Variants in LMAN1 observed in about 807,000 individuals in gnomAD.
The protein encoded by LMAN1 is protein ERGIC-53.
LMAN1 carries 32 observed loss-of-function variants against 67.8 expected under a neutral mutation model. That is an observed-to-expected ratio of 0.47 (90% CI 0.36 to 0.63). The LOEUF (loss-of-function observed/expected upper bound fraction) is 0.63, where lower values mean the gene tolerates loss of function less well. LMAN1 is among the 30% of genes least tolerant of loss of function. LMAN1 has a pLI of 0.00. For missense variants in LMAN1, 632 were observed against 628.2 expected (o/e 1.01, Z -0.06); for synonymous variants, 235 against 219.3 (o/e 1.07, Z -0.63).
chr18:59,353,425 AAGACTACACG>A, intron 4 of LMAN1, 124 bp from the exon 5 acceptor site: 3 of 744,288 alleles, frequency 4.0e-6, no homozygotes, highest in East Asian at 2.7e-5. Flanking sequence ...ATTTACTCAA[AAGACTACACG>A]AGACTACATG....
intron 1 of LMAN1, among the ~76,000 whole-genome samples, chr18:59,357,539 A>G (rs2144235444): frequency 6.6e-6 from 1 of 152,340 alleles, no homozygotes; most frequent in Non-Finnish European, 1.5e-5. Context: ...TCAAGAATAG[A>G]GATACCTTGA....
In LMAN1 at chr18:59,359,210, C is replaced by G; in HGVS notation, c.35G>C (p.Arg12Thr). The G allele has an allele frequency of 6.2e-7, 1 of 1,613,974 alleles. No homozygotes were observed. Among genetic ancestry groups the G allele is most frequent in the Non-Finnish European group, 8.5e-7 (1 of 1,179,906 alleles). The change falls in exon 1 of 13, where the codon AGA becomes ACA. Residue 12 changes from arginine to threonine, a missense_variant. Arg to Thr is a moderately conservative substitution (Grantham distance 71). Transcript: ENST00000251047. The part of the protein sequence containing the change: ...AGSRQRGLRA[R>T]VRPLFCALLL... Reference sequence around the variant, plus strand: ...CAAGGCGCAGAACAGCGGCCGAACTCTGGCCCGGAGACCCCTTTGCCTGGA... The same window carrying G: ...CAAGGCGCAGAACAGCGGCCGAACTGTGGCCCGGAGACCCCTTTGCCTGGA...
At chr18:59,337,923 G>C (rs1309735286) in intron 10 of LMAN1, among the ~76,000 whole-genome samples, 1 of 152,140 alleles carries the variant, frequency 6.6e-6, no homozygotes, top group Non-Finnish European at 1.5e-5. Flanking sequence ...TGAAATGTTA[G>C]GTTATGGAAA....
rs1420771845 is a variant in LMAN1, at chr18:59,330,814, C to T, written c.*279G>A. On this transcript the variant is annotated 3_prime_UTR_variant, in exon 13 of 13. Transcript: ENST00000251047. ...GTAACATTCATATCCAGGGGTTGCC[C>T]CCACTTTATTTACCCTCTTACTGGT... 1 of 405,466 alleles carries T rather than the reference C, an allele frequency of 2.5e-6. No individual in the cohort carries two copies. The highest frequency in any genetic ancestry group is 2.1e-5 in the African/African-American group (1 of 48,286). The allele number at this position is 405,466 out of a possible 1,614,324, so 25.1% of individuals were successfully genotyped here. A position where few individuals can be genotyped will look rare whatever the true frequency, so the allele number is the denominator to read the frequency against.
chr18:59,337,633 A>T (rs1201098816), intron 10 of LMAN1, among the ~76,000 whole-genome samples: 1 of 152,244 alleles, frequency 6.6e-6, no homozygotes, highest in Non-Finnish European at 1.5e-5. Context: ...TCTATTTCTA[A>T]AAGGATTCTA....
At chr18:59,347,945 T>C (rs1051332095) in intron 6 of LMAN1, among the ~76,000 whole-genome samples, 11 of 152,246 alleles carry the variant, frequency 7.2e-5, no homozygotes, top group African/African-American at 2.7e-4. Flanking sequence ...ACAAATCTCC[T>C]TCATGGACAA....
Position 59,346,036 on chromosome 18 carries a change from C to T in LMAN1, c.838G>A (p.Glu280Lys). Residue 280 changes from glutamate to lysine, a missense_variant, in exon 8 of 13, where the codon GAA becomes AAA. By Grantham distance (56) the Glu-to-Lys change is moderately conservative (BLOSUM62 1). Transcript: ENST00000251047. ...TTTTCTTTTTCCTTTTCCGAAATTTCTTTATCTGGTGTGGGCTTTTTTTTG... is the reference window on the plus strand; with the variant it reads ...TTTTCTTTTTCCTTTTCCGAAATTTTTTTATCTGGTGTGGGCTTTTTTTTG... ...PGKEPPTPDKEISEKEKEKYQ... is the reference protein window; with the variant it reads ...PGKEPPTPDKKISEKEKEKYQ... 1 of 1,611,878 alleles carries T rather than the reference C, an allele frequency of 6.2e-7. No homozygotes were observed. The highest frequency in any genetic ancestry group is 1.7e-4 in the Middle Eastern group (1 of 6,054).
chr18:59,338,478 C>G, intron 10 of LMAN1, 79 bp downstream of exon 10: 1 of 1,083,588 alleles, frequency 9.2e-7, no homozygotes, highest in Non-Finnish European at 1.4e-6. Flanking sequence ...TCTTGCAATA[C>G]AGTGCTTGCA....
In LMAN1 at chr18:59,355,668, A is replaced by G. The variant is rs754290935; in HGVS notation, c.215-10T>C. On this transcript the variant is annotated splice_polypyrimidine_tract_variant and intron_variant, in intron 1 of 12. Coordinates refer to ENST00000251047, the MANE Select transcript of LMAN1 (RefSeq NM_005570.4). ...GAACTTGGAATAGCATCTAGAACAGAAATCAGGGGAAAAAAGCTTTAAGTT... is the reference window on the plus strand; with the variant it reads ...GAACTTGGAATAGCATCTAGAACAGGAATCAGGGGAAAAAAGCTTTAAGTT... The G allele has an allele frequency of 6.2e-7, 1 of 1,612,592 alleles. No individual in the cohort carries two copies. The highest frequency in any genetic ancestry group is 8.5e-7 in the Non-Finnish European group (1 of 1,179,778).
chr18:59,358,979 G>C, intron 1 of LMAN1, 52 bp downstream of exon 1: 1 of 1,552,680 alleles, frequency 6.4e-7, no homozygotes, highest in Non-Finnish European at 8.9e-7. Context: ...AAGGCGAAGA[G>C]GCAGCAGAAG....
In LMAN1 at chr18:59,338,820, G is replaced by C. The variant is rs1280304197; in HGVS notation, c.1089C>G (p.Val363=). The C allele has an allele frequency of 3.1e-6, 5 of 1,614,080 alleles. No homozygotes were observed. Among genetic ancestry groups the C allele is most frequent in the African/African-American group, 1.3e-5 (1 of 75,040 alleles). The stretch of plus-strand genomic sequence containing the variant: ...TAGAGATTTCCTCTGTTAAGGAAGA[G>C]ACATATCTTCTCTGTTCATCAAGAA... The part of the protein sequence containing the change: ...DMILDEQRRY[V]SSLTEEISKR... The change falls in exon 9 of 13, where the codon GTC becomes GTG. Residue 363 remains valine (V), a synonymous_variant. Transcript: ENST00000251047.
At chr18:59,348,394 C>T (rs1025179117) in intron 6 of LMAN1, among the ~76,000 whole-genome samples, 4 of 152,138 alleles carry the variant, frequency 2.6e-5, no homozygotes, top group Non-Finnish European at 5.9e-5. Flanking sequence ...AAATCCAGGC[C>T]GAGTCCTGCC....
chr18:59,338,843 G>T lies in LMAN1; in HGVS notation c.1066C>A (p.Leu356Ile), dbSNP rs1452406958. 1.9e-6 allele frequency: 3 copies of T among 1,613,898 alleles called. No individual in the cohort carries two copies. The highest frequency in any genetic ancestry group is 8.5e-7 in the Non-Finnish European group (1 of 1,179,942). The change falls in exon 9 of 13, where the codon CTT (leucine) becomes ATT (isoleucine). Residue 356 changes from leucine to isoleucine, a missense_variant. Coordinates refer to ENST00000251047, the MANE Select transcript of LMAN1 (RefSeq NM_005570.4). Reference sequence around the variant, plus strand: ...GAGACATATCTTCTCTGTTCATCAAGAATCATATCTAACTGCCGGTTCAGC... The same window carrying T: ...GAGACATATCTTCTCTGTTCATCAATAATCATATCTAACTGCCGGTTCAGC... ...KQLNRQLDMI[L>I]DEQRRYVSSL...
intron 8 of LMAN1, among the ~76,000 whole-genome samples, chr18:59,339,510 C>T (rs567398073): frequency 3.4e-4 from 52 of 152,210 alleles, no homozygotes; most frequent in African/African-American, 1.3e-3. Flanking sequence ...ACAGGAGAAA[C>T]CTCTGACCCA....
chr18:59,334,245 C>T (rs558387938), intron 10 of LMAN1, among the ~76,000 whole-genome samples: 2 of 152,322 alleles, frequency 1.3e-5, no homozygotes, highest in South Asian at 4.1e-4. Flanking sequence ...GATTGAGTCA[C>T]TTAATTTGCT....
At chr18:59,342,366 A>T (rs1202824729) in intron 8 of LMAN1, among the ~76,000 whole-genome samples, 4 of 152,132 alleles carry the variant, frequency 2.6e-5, no homozygotes, top group Non-Finnish European at 4.4e-5. Context: ...GACACAAAAA[A>T]ATAGAAAACT....
Position 59,355,308 on chromosome 18 carries a change from T to C in LMAN1, c.477+5A>G, listed in dbSNP as rs201672600. ...AGTGGATAACAGTCCTGACAATAAA[T>C]ATACCTTTCCATCATTGTCAAAAGA... On this transcript the variant is annotated splice_donor_5th_base_variant and intron_variant, in intron 3 of 12. Coordinates refer to ENST00000251047, the MANE Select transcript of LMAN1 (RefSeq NM_005570.4). 25 of 1,597,314 alleles carry C rather than the reference T, an allele frequency of 1.6e-5. No homozygotes were observed. In the East Asian group the frequency reaches 5.2e-4, roughly 33 times the overall value.
At chr18:59,357,589 A>G (rs1236560061) in intron 1 of LMAN1, among the ~76,000 whole-genome samples, 2 of 152,242 alleles carry the variant, frequency 1.3e-5, no homozygotes, top group African/African-American at 4.8e-5. Context: ...GCATGGGCAC[A>G]TAATAAATGA....
At chr18:59,355,728 T>C in intron 1 of LMAN1, 70 bp from the exon 2 acceptor site, 1 of 1,505,180 alleles carries the variant, frequency 6.6e-7, no homozygotes, top group East Asian at 2.3e-5. Context: ...ATTTCCAAAC[T>C]GCTAAATATA....
Sources: allele counts gnomAD v4.1 joint callset (sites outside exome capture counted in the v4.1 genomes callset), GRCh38; gene constraint gnomAD v4.1.1; transcripts MANE v1.5; gene names NCBI Gene and HGNC (gene_info 2026-07-23, HGNC 2026-07-21).